LANCL1: variants seen among roughly 807,000 people sequenced by gnomAD.
LANCL1 encodes the protein LanC like glutathione S-transferase 1.
Under a neutral mutation model 50.6 loss-of-function variants are expected in LANCL1, and 50 were observed. The ratio of observed to expected loss-of-function variants is 0.99; its 90% confidence interval spans 0.79 to 1.25. The LOEUF is 1.25. Ranked by LOEUF, LANCL1 falls within the 50% of genes most tolerant of loss-of-function variation. LANCL1 has a pLI of 0.00. For missense variants in LANCL1, 532 were observed against 480.7 expected, an observed-to-expected ratio of 1.11 and a Z score of -1.00; for synonymous variants, 188 against 178.6, an observed-to-expected ratio of 1.05 and a Z score of -0.42.
At chr2:210,454,229 C>T (rs1052062991) in intron 4 of LANCL1, among the ~76,000 whole-genome samples, 2 of 22,112 alleles carry the variant, frequency 9.0e-5, no homozygotes, top group South Asian at 3.1e-3. Context: ...TACACACACA[C>T]ACACACACAC....
intron 6 of LANCL1, among the ~76,000 whole-genome samples, 198 bp downstream of exon 6, chr2:210,440,400 C>T (rs1328913483): frequency 6.6e-6 from 1 of 152,146 alleles, no homozygotes; most frequent in Non-Finnish European, 1.5e-5. Flanking sequence ...AAACGCAGGG[C>T]CTTTAATGTT....
At position 210,432,841 on chromosome 2, in the gene LANCL1, G is replaced by A. The variant is rs1692792720; in HGVS notation, c.*1646C>T. ...TACCAGCAGCACTTCAGCAATCTGA[G>A]AGGCACAAGGTAGTGCCAACTTACA... On this transcript the variant is annotated 3_prime_UTR_variant, in exon 10 of 10. Coordinates refer to ENST00000450366, the MANE Select transcript of LANCL1 (RefSeq NM_006055.3). The A allele has an allele frequency of 6.6e-6, 1 of 152,218 alleles. No homozygotes were observed. The highest frequency in any genetic ancestry group is 6.5e-5 in the Admixed American group (1 of 15,284). 9.4% of individuals were successfully genotyped at this position (152,218 alleles called of 1,614,324 possible). A position where few individuals can be genotyped will look rare whatever the true frequency, so the allele number is the denominator to read the frequency against.
intron 6 of LANCL1, among the ~76,000 whole-genome samples, chr2:210,438,601 C>CT (rs1300304652): frequency 1.3e-5 from 2 of 152,102 alleles, no homozygotes; most frequent in Admixed American, 6.6e-5. Flanking sequence ...CCAAGCATGA[C>CT]TTTCGTTATT....
intron 4 of LANCL1, 67 bp from the exon 5 acceptor site, chr2:210,441,510 G>A (rs1421191447): frequency 7.3e-7 from 1 of 1,363,856 alleles, no homozygotes; most frequent in Non-Finnish European, 1.0e-6. Flanking sequence ...ACTTAAAAAT[G>A]GTACATTGAA....
At chr2:210,444,613 T>G (rs1356642020) in intron 4 of LANCL1, among the ~76,000 whole-genome samples, 1 of 152,220 alleles carries the variant, frequency 6.6e-6, no homozygotes, top group Non-Finnish European at 1.5e-5. Flanking sequence ...TAGTTAAATA[T>G]GCAAATGCTG....
At chr2:210,455,069 G>A (rs539794448) in intron 4 of LANCL1, 38 bp downstream of exon 4, 1 of 1,530,890 alleles carries the variant, frequency 6.5e-7, no homozygotes, top group Non-Finnish European at 9.0e-7. Flanking sequence ...AATGCATAAT[G>A]ATGCTAGAAA....
chr2:210,434,726 C>T (rs565227585), intron 9 of LANCL1, among the ~76,000 whole-genome samples, 163 bp from the exon 10 acceptor site: 17 of 152,136 alleles, frequency 1.1e-4, no homozygotes, highest in African/African-American at 3.9e-4. Flanking sequence ...TGGCCTCGTC[C>T]CTAAGGTCTG....
intron 5 of LANCL1, 51 bp downstream of exon 5, chr2:210,441,257 G>A: frequency 2.6e-6 from 4 of 1,566,400 alleles, no homozygotes; most frequent in Non-Finnish European, 3.5e-6. Flanking sequence ...TAGGCAGATA[G>A]TAAGTAAATG....
At chr2:210,438,197 C>A (rs960975842) in intron 6 of LANCL1, among the ~76,000 whole-genome samples, 1 of 142,676 alleles carries the variant, frequency 7.0e-6, no homozygotes, top group Non-Finnish European at 1.5e-5. Flanking sequence ...TGCAATGGTG[C>A]GATCTTGGCT....
intron 6 of LANCL1, among the ~76,000 whole-genome samples, chr2:210,438,927 G>A (rs573811321): frequency 8.5e-5 from 13 of 152,300 alleles, no homozygotes; most frequent in Middle Eastern, 3.4e-3. Flanking sequence ...TGTGGGGCAT[G>A]TGGTGGTGAG....
intron 4 of LANCL1, among the ~76,000 whole-genome samples, chr2:210,453,221 A>C (rs1022533531): frequency 6.6e-5 from 10 of 152,206 alleles, no homozygotes; most frequent in Admixed American, 6.5e-4. Context: ...TGACAACAAC[A>C]CCCTTAGTAC....
intron 4 of LANCL1, among the ~76,000 whole-genome samples, chr2:210,447,581 C>T (rs1049458312): frequency 1.3e-5 from 2 of 152,044 alleles, no homozygotes; most frequent in Non-Finnish European, 2.9e-5. Flanking sequence ...AGAGTCAAGA[C>T]CCATAGGTAT....
chr2:210,472,037 G>A lies in LANCL1; in HGVS notation c.121C>T (p.Arg41Trp), dbSNP rs116046523. ...EFSQRLTNKIRELLQQMERGL... is the reference protein window; with the variant it reads ...EFSQRLTNKIWELLQQMERGL... ...CTCTCCATTTGCTGAAGAAGCTCCC[G>A]AATCTTATTGGTCAAGCGTTGTGAG... The change falls in exon 3 of 10, where the codon CGG (arginine) becomes TGG (tryptophan). Residue 41 changes from arginine to tryptophan, a missense_variant. Arg to Trp is a moderately radical substitution (Grantham distance 101). Coordinates refer to ENST00000450366, the MANE Select transcript of LANCL1 (RefSeq NM_006055.3). 18 of 1,613,934 alleles carry A rather than the reference G, an allele frequency of 1.1e-5. No homozygotes were observed. The highest frequency in any genetic ancestry group is 9.3e-5 in the African/African-American group (7 of 74,886).
chr2:210,441,394 A>G lies in LANCL1; in HGVS notation c.457T>C (p.Tyr153His). The change falls in exon 5 of 10, where the codon TAT (tyrosine) becomes CAT (histidine). Residue 153 changes from tyrosine to histidine, a missense_variant. Physicochemically the swap from Tyr to His is moderately conservative, Grantham distance 83 (BLOSUM62 2). Coordinates refer to ENST00000450366, the MANE Select transcript of LANCL1 (RefSeq NM_006055.3). ...GCATAGATGTAGCCTATTCGCCCATAGAGCATTTCATTTGGAGCATGAGGA... is the reference window on the plus strand; with the variant it reads ...GCATAGATGTAGCCTATTCGCCCATGGAGCATTTCATTTGGAGCATGAGGA... ...IDPHAPNEML[Y>H]GRIGYIYALL... The G allele has an allele frequency of 6.2e-7, 1 of 1,612,468 alleles. No homozygotes were observed. The highest frequency in any genetic ancestry group is 1.1e-5 in the South Asian group (1 of 90,864).
chr2:210,437,618 A>T, intron 7 of LANCL1, 72 bp downstream of exon 7: 1 of 858,988 alleles, frequency 1.2e-6, no homozygotes, highest in African/African-American at 1.7e-5. Context: ...TTTATGGATT[A>T]GGATAAAACT....
chr2:210,466,661 C>T (rs1246130605), intron 3 of LANCL1, among the ~76,000 whole-genome samples: 1 of 152,194 alleles, frequency 6.6e-6, no homozygotes, highest in Non-Finnish European at 1.5e-5. Context: ...ACAGCCTTTA[C>T]TGACAAATTG....
chr2:210,477,070 T>A (rs189123104), upstream of LANCL1, among the ~76,000 whole-genome samples: 1,027 of 151,376 alleles, frequency 6.8e-3, 9 homozygotes, highest in African/African-American at 0.023. Context: ...ATTTCTGCTG[T>A]TCGCAATAGA....
intron 5 of LANCL1, 35 bp from the exon 6 acceptor site, chr2:210,440,779 A>C: frequency 4.4e-6 from 7 of 1,593,904 alleles, no homozygotes; most frequent in Non-Finnish European, 6.0e-6. Context: ...TAACAAGTTA[A>C]CTGAACAAAA....
At position 210,455,381 on chromosome 2, in the gene LANCL1, G is replaced by T. The variant is rs563451873; in HGVS notation, c.200-67C>A. 166 of 1,347,626 alleles carry T rather than the reference G, an allele frequency of 1.2e-4. 1 individual carries two copies. The highest frequency in any genetic ancestry group is 1.3e-4 in the Non-Finnish European group (131 of 982,164). The allele number at this position is 1,347,626 out of a possible 1,614,324, so 83.5% of individuals were successfully genotyped here. The stretch of plus-strand genomic sequence containing the variant: ...CAGTTATTTTATTATTTTTGGCATG[G>T]TGTCTACTCAGCAGCGATTTTTGAT... On this transcript the variant is annotated intron_variant, in intron 3 of 9. Transcript: ENST00000450366.
Sources: gnomAD v4.1 joint callset for allele counts (sites outside exome capture counted in the v4.1 genomes callset) on GRCh38, gnomAD v4.1.1 for gene constraint, MANE v1.5 for transcripts, NCBI Gene and HGNC (gene_info 2026-07-23, HGNC 2026-07-21) for gene names.